Variants in TRIM14 observed in about 807,000 individuals in gnomAD.
The protein encoded by TRIM14 is tripartite motif containing 14.
In TRIM14, 28 loss-of-function variants were observed where a neutral mutation model predicts 44.5. The ratio of observed to expected loss-of-function variants is 0.63; its 90% CI spans 0.47 to 0.86. The LOEUF is 0.86. Ranked by LOEUF, TRIM14 falls within the 40% of genes least tolerant of loss-of-function variation. The pLI, the probability that TRIM14 is intolerant of heterozygous loss-of-function variation, is 0.00. For missense variants in TRIM14, 607 were observed against 611.1 expected (o/e 0.99, Z 0.07); for synonymous variants, 299 against 269.2 (o/e 1.11, Z -1.08).
the TRIM14 span, among the ~76,000 whole-genome samples, chr9:98,045,561 TC>T: frequency 6.6e-6 from 1 of 152,158 alleles, no homozygotes; most frequent in Non-Finnish European, 1.5e-5. Flanking sequence ...GTACATCACT[TC>T]CCTTTTTCTG....
intron 6 of TRIM14, among the ~76,000 whole-genome samples, chr9:98,069,962 T>C (rs1308102975): frequency 6.6e-6 from 1 of 152,196 alleles, no homozygotes; most frequent in African/African-American, 2.4e-5. Flanking sequence ...ATTCACCCAG[T>C]TGTGGTATTG....
downstream of TRIM14, chr9:98,080,927 A>G (rs1258323750): frequency 4.3e-6 from 7 of 1,614,096 alleles, no homozygotes; most frequent in South Asian, 4.4e-5. Context: ...GGAACGTCAC[A>G]TAACTTTGGA....
chr9:98,080,734 G>C (rs1340795517), downstream of TRIM14: 1 of 1,473,016 alleles, frequency 6.8e-7, no homozygotes, highest in Admixed American at 2.2e-5. Flanking sequence ...CTAAACCGGG[G>C]CTCAACCAGA....
In TRIM14 at chr9:98,087,853, A is replaced by G; in HGVS notation, c.946T>C (p.Cys316Arg). ...CAGTAGTGGCGGCCGGTGGCGAAGC[A>G]GTCACGAGCCAGCACTTGCCAGAGC... is the stretch of plus-strand genomic sequence containing the variant. ...DALWQVLARDCFATGRHYWEV... is the reference protein window; with the variant it reads ...DALWQVLARDRFATGRHYWEV... The change falls in exon 6 of 6, where the codon TGC becomes CGC. Residue 316 changes from cysteine to arginine, a missense_variant. Cys to Arg is a radical substitution (Grantham distance 180). This residue lies in a region of TRIM14 where 356 missense variants were observed against 323.0 expected (regional missense o/e 1.10). Coordinates refer to ENST00000341469, the MANE Select transcript of TRIM14 (RefSeq NM_014788.4). 6.4e-7 allele frequency: 1 copy of G among 1,555,342 alleles called. No homozygotes were observed. The highest frequency in any genetic ancestry group is 8.6e-7 in the Non-Finnish European group (1 of 1,162,048).
At chr9:98,065,141 G>C (rs1241686773), downstream of TRIM14, among the ~76,000 whole-genome samples, 1 of 151,980 alleles carries the variant, frequency 6.6e-6, no homozygotes, top group Non-Finnish European at 1.5e-5. Flanking sequence ...AGAACCAAAG[G>C]GACATTATTG....
At chr9:98,098,718 A>C (rs1826278125) in intron 3 of TRIM14, among the ~76,000 whole-genome samples, 2 of 151,796 alleles carry the variant, frequency 1.3e-5, no homozygotes, top group Non-Finnish European at 2.9e-5. Flanking sequence ...AAAAAGAAAA[A>C]AGTAGACAGG....
At chr9:98,110,026 C>G (rs376675902) in intron 1 of TRIM14, 42 bp from the exon 2 acceptor site, 60 of 1,495,888 alleles carry the variant, frequency 4.0e-5, no homozygotes, top group African/African-American at 3.0e-4. Flanking sequence ...AATACTGTCA[C>G]TTTCCAAATA....
In TRIM14 at chr9:98,087,882, T is replaced by A. The variant is rs745969370; in HGVS notation, c.917A>T (p.Asp306Val). 6.5e-5 allele frequency: 102 copies of A among 1,568,678 alleles called. No homozygotes were observed. Among genetic ancestry groups the A allele is most frequent in the Non-Finnish European group, 2.2e-5 (26 of 1,167,628 alleles). ...SLGPVPVLRFDALWQVLARDC... is the reference protein window; with the variant it reads ...SLGPVPVLRFVALWQVLARDC... ...ACGAGCCAGCACTTGCCAGAGCGCGTCGAACCGCAGCACGGGCACGGGCCC... is the reference window on the plus strand; with the variant it reads ...ACGAGCCAGCACTTGCCAGAGCGCGACGAACCGCAGCACGGGCACGGGCCC... Residue 306 changes from aspartate to valine, a missense_variant, in exon 6 of 6, where the codon GAC becomes GTC. Physicochemically the swap from Asp to Val is radical, Grantham distance 152. Around this residue, in one of 3 missense-constraint regions of TRIM14, gnomAD observed 356 missense variants for 323.0 expected, o/e 1.10. Coordinates refer to ENST00000341469, the MANE Select transcript of TRIM14 (RefSeq NM_014788.4).
At chr9:98,105,755 G>A (rs1013847640) in intron 2 of TRIM14, among the ~76,000 whole-genome samples, 5 of 152,160 alleles carry the variant, frequency 3.3e-5, no homozygotes, top group African/African-American at 9.7e-5. Flanking sequence ...TGGCCATCCA[G>A]GGGGAGCACA....
chr9:98,078,436 G>A (rs548925790), intron 6 of TRIM14: 2 of 1,453,090 alleles, frequency 1.4e-6, no homozygotes, highest in South Asian at 1.3e-5. Context: ...AACAAACATG[G>A]CATACTTTAT....
chr9:98,056,622 C>A, the TRIM14 span: 8 of 680,248 alleles, frequency 1.2e-5, 1 homozygote, highest in East Asian at 5.8e-4. Context: ...CCCGCCCCCG[C>A]CCCCCGCCCC....
chr9:98,038,063 A>G, the TRIM14 span, among the ~76,000 whole-genome samples: 2 of 151,046 alleles, frequency 1.3e-5, no homozygotes, highest in African/African-American at 4.9e-5. Context: ...ATTGTATTTT[A>G]TTTTTGAGAT....
intron 2 of TRIM14, among the ~76,000 whole-genome samples, chr9:98,100,661 G>A (rs1159091556): frequency 6.6e-6 from 1 of 152,004 alleles, no homozygotes; most frequent in African/African-American, 2.4e-5. Context: ...TAAATCTACA[G>A]GATCTAAAAC....
intron 4 of TRIM14, chr9:98,092,663 A>G (rs572796943): frequency 2.9e-4 from 52 of 176,446 alleles, no homozygotes; most frequent in African/African-American, 1.2e-3. Context: ...GTCATGAACA[A>G]TAACAAGTGG....
chr9:98,098,773 T>A (rs1275570064), intron 3 of TRIM14, among the ~76,000 whole-genome samples: 1 of 152,078 alleles, frequency 6.6e-6, no homozygotes, highest in Non-Finnish European at 1.5e-5. Context: ...TAGCAATGAC[T>A]ATCCCTGGGG....
At chr9:98,113,788 T>C (rs1042162003) in intron 1 of TRIM14, among the ~76,000 whole-genome samples, 5 of 152,254 alleles carry the variant, frequency 3.3e-5, no homozygotes, top group Non-Finnish European at 5.9e-5. Flanking sequence ...CATGCTGTCT[T>C]TATTAGGTCT....
the TRIM14 span, among the ~76,000 whole-genome samples, chr9:98,059,848 G>A: frequency 1.3e-5 from 2 of 151,950 alleles, no homozygotes; most frequent in African/African-American, 4.8e-5. Flanking sequence ...CATGTAACCT[G>A]TTCAAAGAAA....
Position 98,077,410 on chromosome 9 carries a change from A to G in TRIM14, c.*29-7723T>C, listed in dbSNP as rs560867446. Among the ~76,000 whole-genome samples the G allele has an allele frequency of 4.0e-5, 6 of 149,116 alleles. No individual in the cohort carries two copies. The South Asian group carries it at 1.1e-3, about 26-fold the overall frequency. ...TTTTTAATAGAGACAAGGTCTGTCT[A>G]TGTTGCCCAGGTTGGTCTTGAACTC... is the stretch of plus-strand genomic sequence containing the variant. On this transcript the variant is annotated intron_variant, in intron 6 of 6. Coordinates refer to the TRIM14 transcript ENST00000375098.
intron 1 of TRIM14, among the ~76,000 whole-genome samples, chr9:98,115,018 T>C (rs1184350165): frequency 6.6e-6 from 1 of 152,204 alleles, no homozygotes; most frequent in East Asian, 1.9e-4. Flanking sequence ...ATTGAAACAT[T>C]TGTCTTTCTC....
Sources: gnomAD v4.1 joint callset for allele counts (sites outside exome capture counted in the v4.1 genomes callset) on GRCh38, gnomAD v4.1.1 for gene constraint, gnomAD v4.1.1 regional missense constraint, MANE v1.5 for transcripts, NCBI Gene and HGNC (gene_info 2026-07-23, HGNC 2026-07-21) for gene names.